ASAP2: variants seen among roughly 807,000 people sequenced by gnomAD.
ASAP2 encodes arf-GAP with SH3 domain, ANK repeat and PH domain-containing protein 2.
ASAP2 carries 45 observed loss-of-function variants against 131.4 expected under a neutral mutation model. That is an observed-to-expected ratio of 0.34 (90% CI 0.27 to 0.44). ASAP2 has a LOEUF of 0.44. Among genes scored for constraint, ASAP2 ranks in the 20% least tolerant of loss-of-function variants. The probability of loss-of-function intolerance (pLI) is 1.00; values close to 1 mark genes in which losing one functional copy is unlikely to be tolerated. For synonymous variants in ASAP2, 510 were observed against 503.0 expected, an observed-to-expected ratio of 1.01 and a Z score of -0.19; for missense variants, 1,011 against 1,297.0, an observed-to-expected ratio of 0.78 and a Z score of 3.39.
At position 9,378,967 on chromosome 2, in the gene ASAP2, G is replaced by A; in HGVS notation, c.1856G>A (p.Gly619Glu). 9 of 1,511,544 alleles carry A rather than the reference G, an allele frequency of 6.0e-6. No homozygotes were observed. Among genetic ancestry groups the A allele is most frequent in the East Asian group, 2.6e-5 (1 of 39,038 alleles). The allele number at this position is 1,511,544 out of a possible 1,614,324, so 93.6% of individuals were successfully genotyped here. ...QNSGNLDKQT[G>E]KGSTALHYCC... ...AGTGGGAACCTGGATAAACAGACAG[G>A]GAAAGGCAGCACAGCCCTGCACTAC... The change falls in exon 19 of 28, where the codon GGG becomes GAG. Residue 619 changes from glycine to glutamate, a missense_variant. Around this residue, in one of 2 missense-constraint regions of ASAP2, gnomAD observed 652 missense variants for 698.9 expected, o/e 0.93. Transcript: ENST00000281419.
rs1404265465 is a variant in ASAP2 at position 9,217,788 on chromosome 2, G to A, written c.126+10558G>A. On this transcript the variant is annotated intron_variant, in intron 1 of 27. Coordinates refer to ENST00000281419, the MANE Select transcript of ASAP2 (RefSeq NM_003887.3). The surrounding 1 kb of genome is among the most constrained non-coding windows in gnomAD (Gnocchi z 4.0). ...TGCCACCACGCCCGGCTAATTTTTGGTATTTTTAGTAGAGACGGGGTTTCA... is the reference window on the plus strand; with the variant it reads ...TGCCACCACGCCCGGCTAATTTTTGATATTTTTAGTAGAGACGGGGTTTCA... 1.3e-5 allele frequency among the ~76,000 whole-genome samples: 2 copies of A among 151,450 alleles called. No homozygotes were observed. The highest frequency in any genetic ancestry group is 6.6e-5 in the Admixed American group (1 of 15,180).
intron 1 of ASAP2, among the ~76,000 whole-genome samples, chr2:9,225,899 C>T (rs968939378): frequency 2.6e-5 from 4 of 152,238 alleles, no homozygotes; most frequent in African/African-American, 7.2e-5. Flanking sequence ...ACACTCAGGC[C>T]GGCCTTCCCC....
intron 1 of ASAP2, among the ~76,000 whole-genome samples, chr2:9,216,087 G>C (rs989478483): frequency 2.6e-5 from 4 of 152,146 alleles, no homozygotes; most frequent in Admixed American, 6.5e-5. Context: ...CACACGGCAT[G>C]TACTGCCTTT....
intron 3 of ASAP2, among the ~76,000 whole-genome samples, chr2:9,299,152 TA>T (rs1442581643): frequency 6.6e-6 from 1 of 152,152 alleles, no homozygotes; most frequent in Non-Finnish European, 1.5e-5. Flanking sequence ...AGGCAATTTC[TA>T]AAAATGGAAC....
intron 9 of ASAP2, among the ~76,000 whole-genome samples, chr2:9,335,563 C>T (rs1200927702): frequency 1.3e-5 from 2 of 152,168 alleles, no homozygotes; most frequent in African/African-American, 2.4e-5. Flanking sequence ...GGCCTAGGCA[C>T]GTAGCAGGGG....
rs113831650 is a variant in ASAP2, at chr2:9,396,894, C to T, written c.2685-3129C>T. Among the ~76,000 whole-genome samples, 35 of 152,214 alleles carry T rather than the reference C, an allele frequency of 2.3e-4. 1 individual carries two copies. The highest frequency in any genetic ancestry group is 6.5e-4 in the African/African-American group (27 of 41,516). On this transcript the variant is annotated intron_variant, in intron 24 of 27. Transcript: ENST00000281419. ...GCACACACCTGTAATCCCAGCTACTCGGGAGGCAGAGGCAGGAGAATCACT... is the reference window on the plus strand; with the variant it reads ...GCACACACCTGTAATCCCAGCTACTTGGGAGGCAGAGGCAGGAGAATCACT...
At chr2:9,209,676 T>C (rs1452229225) in intron 1 of ASAP2, among the ~76,000 whole-genome samples, 1 of 152,242 alleles carries the variant, frequency 6.6e-6, no homozygotes, top group African/African-American at 2.4e-5. Context: ...TTCAAGCGAT[T>C]CTCCTGCCTC....
chr2:9,335,474 T>A (rs535397768), intron 9 of ASAP2, among the ~76,000 whole-genome samples: 46 of 152,206 alleles, frequency 3.0e-4, no homozygotes, highest in African/African-American at 1.1e-3. Context: ...ACAGAGACCA[T>A]GTGTCATTTG....
chr2:9,368,498 A>G lies in ASAP2; in HGVS notation c.1535A>G (p.Lys512Arg), dbSNP rs918661389. Residue 512 changes from lysine (K) to arginine (R), a missense_variant, in exon 16 of 28, where the codon AAA (lysine) becomes AGA (arginine). Lys to Arg is a conservative substitution (Grantham distance 26). This residue lies in a region of ASAP2 where 652 missense variants were observed against 698.9 expected (regional missense o/e 0.93). Coordinates refer to ENST00000281419, the MANE Select transcript of ASAP2 (RefSeq NM_003887.3). Reference sequence around the variant, plus strand: ...TGCCTACCAGCTGAGGACTCAGTCAAACCCAACCCAGGCAGCGACATGTAA... The same window carrying G: ...TGCCTACCAGCTGAGGACTCAGTCAGACCCAACCCAGGCAGCGACATGTAA... ...ECCLPAEDSV[K>R]PNPGSDMNAR... is the part of the protein sequence containing the mutation. 4 of 1,614,054 alleles carry G rather than the reference A, an allele frequency of 2.5e-6. No individual in the cohort carries two copies. Among genetic ancestry groups the G allele is most frequent in the South Asian group, 1.1e-5 (1 of 91,094 alleles).
At chr2:9,381,317 T>C (rs1307712339) in intron 20 of ASAP2, among the ~76,000 whole-genome samples, 1 of 152,240 alleles carries the variant, frequency 6.6e-6, no homozygotes, top group East Asian at 1.9e-4. Flanking sequence ...CCAGCTTGGC[T>C]TGGGAAGGAA....
chr2:9,247,394 C>T (rs920401989), intron 1 of ASAP2, among the ~76,000 whole-genome samples: 4 of 152,180 alleles, frequency 2.6e-5, no homozygotes, highest in South Asian at 2.1e-4. Flanking sequence ...TTGCACGAGG[C>T]GAATCAGTTT....
In ASAP2 at chr2:9,297,546, A is replaced by G; in HGVS notation, c.345+101A>G. 4.3e-6 allele frequency: 6 copies of G among 1,384,644 alleles called. No individual in the cohort carries two copies. In the South Asian group the frequency reaches 5.2e-5, roughly 12 times the overall value. The allele number at this position is 1,384,644 out of a possible 1,614,324, so 85.8% of individuals were successfully genotyped here. On this transcript the variant is annotated intron_variant, in intron 3 of 27. Coordinates refer to ENST00000281419, the MANE Select transcript of ASAP2 (RefSeq NM_003887.3). ...GTTTGATAAACTAGGAATGCATTTC[A>G]TAGTTCCTTGGGTACCCAAAAGAAT...
intron 1 of ASAP2, 87 bp from the exon 2 acceptor site, chr2:9,279,230 C>A: frequency 7.8e-7 from 1 of 1,280,696 alleles, no homozygotes; most frequent in Non-Finnish European, 1.1e-6. Context: ...CTGGCAGAGG[C>A]AATCAGAGTG....
At chr2:9,380,693 T>G (rs1486250942) in intron 19 of ASAP2, 48 bp from the exon 20 acceptor site, 1 of 1,574,592 alleles carries the variant, frequency 6.4e-7, no homozygotes, top group East Asian at 2.2e-5. Context: ...TGTCAGGCCT[T>G]TGCTGGGTTT....
At chr2:9,261,699 G>A (rs1665584042) in intron 1 of ASAP2, among the ~76,000 whole-genome samples, 1 of 152,250 alleles carries the variant, frequency 6.6e-6, no homozygotes, top group Non-Finnish European at 1.5e-5. Flanking sequence ...GTGGCCGAGT[G>A]TAGGAGGGAG....
At chr2:9,402,264 C>G (rs1017697737) in intron 27 of ASAP2, among the ~76,000 whole-genome samples, 2 of 152,228 alleles carry the variant, frequency 1.3e-5, no homozygotes, top group Admixed American at 6.5e-5. Flanking sequence ...CAGGGCCAGG[C>G]AGCACTGCCT....
intron 3 of ASAP2, among the ~76,000 whole-genome samples, chr2:9,306,658 G>C (rs193134181): frequency 1.9e-4 from 29 of 152,094 alleles, no homozygotes; most frequent in African/African-American, 6.5e-4. Context: ...GATGAGCCCA[G>C]CCAGGAGTCA....
intron 2 of ASAP2, among the ~76,000 whole-genome samples, chr2:9,282,543 G>T (rs900726812): frequency 2.6e-5 from 4 of 152,144 alleles, no homozygotes; most frequent in East Asian, 1.9e-4. Context: ...TTCAAGAAGG[G>T]ACTGAGTGCC....
At chr2:9,323,314 G>GA in intron 6 of ASAP2, 64 bp downstream of exon 6, 2 of 1,597,786 alleles carry the variant, frequency 1.3e-6, no homozygotes, top group Non-Finnish European at 1.7e-6. Context: ...TCACCTGTGG[G>GA]AGCATCTCAC....
Sources: allele counts gnomAD v4.1 joint callset (sites outside exome capture counted in the v4.1 genomes callset), GRCh38; gene constraint gnomAD v4.1.1; regional missense constraint gnomAD v4.1.1; non-coding constraint Gnocchi (gnomAD v3.1); transcripts MANE v1.5; gene names NCBI Gene and HGNC (gene_info 2026-07-23, HGNC 2026-07-21).